ADAM12: variants seen among roughly 807,000 people sequenced by gnomAD.
The protein encoded by ADAM12 is disintegrin and metalloproteinase domain-containing protein 12.
A neutral mutation model predicts 106.4 loss-of-function variants in ADAM12; 70 were observed. The ratio of observed to expected loss-of-function variants is 0.66; its 90% confidence interval spans 0.54 to 0.80. The LOEUF is 0.80. Ranked by LOEUF, ADAM12 falls within the 30% of genes least tolerant of loss-of-function variation. ADAM12 has a pLI of 0.00. For synonymous variants in ADAM12, 420 were observed against 433.5 expected, an observed-to-expected ratio of 0.97 and a Z score of 0.39; for missense variants, 1,010 against 1,171.9, an observed-to-expected ratio of 0.86 and a Z score of 2.02.
intron 1 of ADAM12, among the ~76,000 whole-genome samples, chr10:126,386,067 G>A (rs541974509): frequency 1.3e-5 from 2 of 152,136 alleles, no homozygotes; most frequent in South Asian, 4.1e-4. Context: ...ATACTTAGGA[G>A]GTTGGTGGCT....
At chr10:126,156,885 TG>T (rs1956826568) in intron 3 of ADAM12, among the ~76,000 whole-genome samples, 1 of 152,216 alleles carries the variant, frequency 6.6e-6, no homozygotes, top group Non-Finnish European at 1.5e-5. Context: ...AAACAGAACC[TG>T]GGTTTTCTGT....
At chr10:126,103,136 A>G (rs974266051) in intron 8 of ADAM12, among the ~76,000 whole-genome samples, 1 of 152,154 alleles carries the variant, frequency 6.6e-6, no homozygotes, top group Non-Finnish European at 1.5e-5. Context: ...CTTCCTCATC[A>G]AGGAGCTTTT....
chr10:126,155,006 T>C (rs562068173), intron 4 of ADAM12, among the ~76,000 whole-genome samples: 1 of 152,262 alleles, frequency 6.6e-6, no homozygotes, highest in South Asian at 2.1e-4. Flanking sequence ...AGCTCTGCCA[T>C]AAAGCCATTC....
chr10:126,239,996 G>A lies in ADAM12; in HGVS notation c.260+38919C>T, dbSNP rs144123115. 1.7e-3 allele frequency among the ~76,000 whole-genome samples: 255 copies of A among 152,246 alleles called. 1 individual carries two copies. The highest frequency in any genetic ancestry group is 6.6e-3 in the South Asian group (32 of 4,816). ...CCCTGCCCTCCTCCTCCATCCTTCC[G>A]TGCCAAGCTCAGGCAGCACATCTGT... On this transcript the variant is annotated intron_variant, in intron 3 of 22. Transcript: ENST00000448723.
intron 3 of ADAM12, among the ~76,000 whole-genome samples, chr10:126,236,500 C>T (rs1449824119): frequency 6.6e-6 from 1 of 152,192 alleles, no homozygotes; most frequent in East Asian, 1.9e-4. Flanking sequence ...AGATAAATCA[C>T]AGCCTGGGCC....
chr10:126,203,296 C>A (rs1957735174), intron 3 of ADAM12, among the ~76,000 whole-genome samples: 1 of 151,842 alleles, frequency 6.6e-6, no homozygotes, highest in Admixed American at 6.6e-5. Flanking sequence ...TATGTCTATG[C>A]CTTCCTACCA....
intron 3 of ADAM12, among the ~76,000 whole-genome samples, chr10:126,223,261 C>G (rs187232706): frequency 6.6e-6 from 1 of 152,298 alleles, no homozygotes; most frequent in African/African-American, 2.4e-5. Context: ...GTATAATGCT[C>G]TGACATAGAT....
chr10:126,384,786 CT>C (rs1413434689), intron 1 of ADAM12, among the ~76,000 whole-genome samples: 1 of 152,204 alleles, frequency 6.6e-6, no homozygotes, highest in Non-Finnish European at 1.5e-5. Flanking sequence ...GTGGGAGTTT[CT>C]CCCCACCAAC....
At chr10:126,145,273 C>G (rs1300530701) in intron 4 of ADAM12, among the ~76,000 whole-genome samples, 1 of 152,150 alleles carries the variant, frequency 6.6e-6, no homozygotes, top group Non-Finnish European at 1.5e-5. Flanking sequence ...CTGGCCTCTC[C>G]TCTCCTCATA....
chr10:126,118,233 A>G lies in ADAM12; in HGVS notation c.417-9T>C, dbSNP rs541990674. The G allele has an allele frequency of 6.2e-7, 1 of 1,604,342 alleles. No individual in the cohort carries two copies. Among genetic ancestry groups the G allele is most frequent in the Admixed American group, 1.7e-5 (1 of 59,152 alleles). ...CAAACACAATAAGTCCCCTGTTGAA[A>G]AAGAAACAAGAAAAAATATATAATT... On this transcript the variant is annotated splice_polypyrimidine_tract_variant and intron_variant, in intron 5 of 22. Coordinates refer to ENST00000448723, the MANE Select transcript of ADAM12 (RefSeq NM_001288973.2).
At chr10:126,195,372 C>T (rs1007745632) in intron 3 of ADAM12, among the ~76,000 whole-genome samples, 8 of 151,990 alleles carry the variant, frequency 5.3e-5, no homozygotes, top group African/African-American at 7.2e-5. Flanking sequence ...ATCAGGGGTT[C>T]GAGATTGGCT....
At chr10:126,200,908 A>G (rs1301373001) in intron 3 of ADAM12, among the ~76,000 whole-genome samples, 3 of 152,150 alleles carry the variant, frequency 2.0e-5, no homozygotes, top group Admixed American at 6.5e-5. Context: ...GAGATGCTGT[A>G]AGCAAAGGCA....
At chr10:126,380,905 GAA>G (rs1468027594) in intron 1 of ADAM12, among the ~76,000 whole-genome samples, 1 of 152,200 alleles carries the variant, frequency 6.6e-6, no homozygotes, top group Non-Finnish European at 1.5e-5. Flanking sequence ...GGACGCTGCA[GAA>G]ACCATTTAGC....
chr10:126,263,229 A>G (rs17684676), intron 3 of ADAM12, among the ~76,000 whole-genome samples: 10,799 of 152,288 alleles, frequency 0.071, 509 homozygotes, highest in Admixed American at 0.12. Context: ...AAGTGAGAAC[A>G]TACTTGAATG....
At position 126,158,441 on chromosome 10, in the gene ADAM12, T is replaced by G. The variant is rs1402103548; in HGVS notation, c.261-3136A>C. Among the ~76,000 whole-genome samples, 9 of 47,362 alleles carry G rather than the reference T, an allele frequency of 1.9e-4. 2 individuals are homozygous for G. Among genetic ancestry groups the G allele is most frequent in the East Asian group, 7.9e-4 (1 of 1,266 alleles). 31.1% of individuals were successfully genotyped at this position (47,362 alleles called of 152,430 possible). On this transcript the variant is annotated intron_variant, in intron 3 of 22. Coordinates refer to ENST00000448723, the MANE Select transcript of ADAM12 (RefSeq NM_001288973.2). ...GAGGATGCACAGAGCACGGGGAGGA[T>G]GCACAGAGCACGGGGAGAGAATGCA...
At chr10:126,075,488 G>A (rs1207186542) in intron 11 of ADAM12, among the ~76,000 whole-genome samples, 2 of 152,146 alleles carry the variant, frequency 1.3e-5, no homozygotes, top group African/African-American at 4.8e-5. Context: ...CATTCAGTGG[G>A]GCCAACAGAT....
intron 11 of ADAM12, among the ~76,000 whole-genome samples, chr10:126,074,009 A>G (rs918829372): frequency 6.6e-6 from 1 of 152,186 alleles, no homozygotes; most frequent in Non-Finnish European, 1.5e-5. Context: ...ATAAAAATCA[A>G]TTTCATGGAG....
In ADAM12 at chr10:126,113,658, C is replaced by CAAA. The variant is rs1158414658; in HGVS notation, c.604-3821_604-3819dup. Reference sequence around the variant, plus strand: ...TGGGCAACACAGTGAGACTCCGTCTCAAAAAAAAAAAAAAAAAAAAAAAAA... The same window carrying CAAA: ...TGGGCAACACAGTGAGACTCCGTCTCAAAAAAAAAAAAAAAAAAAAAAAAAAAA... On this transcript the variant is annotated intron_variant, in intron 6 of 22. Coordinates refer to ENST00000448723, the MANE Select transcript of ADAM12 (RefSeq NM_001288973.2). Among the ~76,000 whole-genome samples the CAAA allele has an allele frequency of 3.7e-3, 18 of 4,874 alleles. 8 individuals are homozygous for CAAA. The highest frequency in any genetic ancestry group is 9.1e-3 in the Admixed American group (3 of 330). 3.2% of individuals were successfully genotyped at this position (4,874 alleles called of 152,430 possible).
At chr10:126,289,075 GGT>G (rs1299340544) in intron 2 of ADAM12, among the ~76,000 whole-genome samples, 5 of 150,404 alleles carry the variant, frequency 3.3e-5, no homozygotes, top group African/African-American at 9.8e-5. Context: ...GTGGTGACAC[GGT>G]GGCCCAGGGA....
Sources: allele counts gnomAD v4.1 joint callset (sites outside exome capture counted in the v4.1 genomes callset), GRCh38; gene constraint gnomAD v4.1.1; transcripts MANE v1.5; gene names NCBI Gene and HGNC (gene_info 2026-07-23, HGNC 2026-07-21).